Variants in EYS observed in about 807,000 individuals in gnomAD.
EYS encodes the protein EGF-like photoreceptor maintenance factor, also known as protein eyes shut homolog.
A neutral mutation model predicts 282.1 loss-of-function variants in EYS; 250 were observed. The observed-to-expected ratio is 0.89, with a 90% CI of 0.80 to 0.98. The LOEUF is 0.98. Among genes scored for constraint, EYS ranks in the 50% least tolerant of loss-of-function variants. The pLI, the probability that EYS is intolerant of heterozygous loss-of-function variation, is 0.00. For synonymous variants in EYS, 1,355 were observed against 1,282.9 expected, an observed-to-expected ratio of 1.06 and a Z score of -1.20; for missense variants, 4,016 against 3,709.0, an observed-to-expected ratio of 1.08 and a Z score of -2.15.
chr6:64,074,633 G>A (rs952408207), intron 32 of EYS, among the ~76,000 whole-genome samples: 2 of 151,428 alleles, frequency 1.3e-5, no homozygotes, highest in African/African-American at 2.4e-5. Flanking sequence ...ATTGGTTATC[G>A]GTTTGAATTA....
chr6:64,206,625 A>G (rs1441048837), intron 31 of EYS, among the ~76,000 whole-genome samples: 1 of 152,192 alleles, frequency 6.6e-6, no homozygotes, highest in Non-Finnish European at 1.5e-5. Context: ...TGGATTGATC[A>G]TGATAGCCAT....
chr6:63,864,111 G>C, intron 36 of EYS, 75 bp downstream of exon 36: 1 of 1,308,386 alleles, frequency 7.6e-7, no homozygotes, highest in Non-Finnish European at 1.0e-6. Context: ...TGCTATCCTT[G>C]ATTCATCTGA....
At position 65,495,627 on chromosome 6, in the gene EYS, T is replaced by G. The variant is rs1168688591; in HGVS notation, c.-197-20A>C. ...ATATTCCTTTAAACAGAAAAAAACA[T>G]ATATTGTTAGTGAAGTTTTCCCTAA... On this transcript the variant is annotated intron_variant, in intron 3 of 42. Coordinates refer to ENST00000503581, the MANE Select transcript of EYS (RefSeq NM_001142800.2). 1.7e-6 allele frequency: 1 copy of G among 598,306 alleles called. No homozygotes were observed. The highest frequency in any genetic ancestry group is 2.9e-6 in the Non-Finnish European group (1 of 340,446). 37.1% of individuals were successfully genotyped at this position (598,306 alleles called of 1,614,324 possible).
intron 22 of EYS, among the ~76,000 whole-genome samples, chr6:64,678,830 C>A (rs1465601120): frequency 6.6e-6 from 1 of 151,786 alleles, no homozygotes; most frequent in Non-Finnish European, 1.5e-5. Context: ...ACTAAAGACA[C>A]AAAACAATTA....
At chr6:63,919,995 A>G (rs1764525930) in intron 35 of EYS, among the ~76,000 whole-genome samples, 1 of 152,214 alleles carries the variant, frequency 6.6e-6, no homozygotes, top group Non-Finnish European at 1.5e-5. Context: ...CTGGCAAACA[A>G]TAACTTGTAT....
At chr6:65,143,534 G>A (rs1040917244) in intron 12 of EYS, among the ~76,000 whole-genome samples, 2 of 151,924 alleles carry the variant, frequency 1.3e-5, no homozygotes, top group Admixed American at 6.6e-5. Flanking sequence ...ACACACTGTT[G>A]GGATTTGTAT....
chr6:64,274,481 G>GTTT lies in EYS; in HGVS notation c.6191+32486_6191+32488dup, dbSNP rs10640761. Reference sequence around the variant, plus strand: ...CAGGCGCGAGCCACCACGCCTGGCCGTTTTTTTTTTTTTTTTTTTTTTACA... The same window carrying GTTT: ...CAGGCGCGAGCCACCACGCCTGGCCGTTTTTTTTTTTTTTTTTTTTTTTTTACA... On this transcript the variant is annotated intron_variant, in intron 30 of 42. Coordinates refer to ENST00000503581, the MANE Select transcript of EYS (RefSeq NM_001142800.2). 4.5e-3 allele frequency among the ~76,000 whole-genome samples: 413 copies of GTTT among 92,212 alleles called. 35 individuals carry two copies. Among genetic ancestry groups the GTTT allele is most frequent in the Middle Eastern group, 0.011 (1 of 94 alleles). The allele number at this position is 92,212 out of a possible 152,430, so 60.5% of individuals were successfully genotyped here.
chr6:63,902,916 G>A (rs1423112258), intron 35 of EYS, among the ~76,000 whole-genome samples: 1 of 152,152 alleles, frequency 6.6e-6, no homozygotes, highest in African/African-American at 2.4e-5. Context: ...GTATACCAGG[G>A]TAATTGGCTA....
chr6:64,860,679 G>T (rs565723865), intron 19 of EYS, among the ~76,000 whole-genome samples: 1 of 152,330 alleles, frequency 6.6e-6, no homozygotes, highest in South Asian at 2.1e-4. Context: ...CTGCAACATG[G>T]TGAGCAAGGG....
intron 36 of EYS, among the ~76,000 whole-genome samples, chr6:63,858,065 C>T (rs753621838): frequency 6.6e-6 from 1 of 151,924 alleles, no homozygotes; most frequent in Non-Finnish European, 1.5e-5. Flanking sequence ...GGGAAGAGGC[C>T]GATGCATAAG....
At chr6:65,580,553 A>C (rs1764831808) in intron 2 of EYS, among the ~76,000 whole-genome samples, 1 of 152,106 alleles carries the variant, frequency 6.6e-6, no homozygotes, top group African/African-American at 2.4e-5. Flanking sequence ...AATCAGTCAT[A>C]GATAAAATAG....
intron 29 of EYS, among the ~76,000 whole-genome samples, 191 bp from the exon 30 acceptor site, chr6:64,307,273 T>C (rs1313001038): frequency 6.6e-6 from 1 of 152,112 alleles, no homozygotes. Context: ...GATTTTTCCA[T>C]ATCTTGGCTA....
At chr6:65,586,449 T>C (rs1295669182) in intron 2 of EYS, among the ~76,000 whole-genome samples, 1 of 152,090 alleles carries the variant, frequency 6.6e-6, no homozygotes, top group Non-Finnish European at 1.5e-5. Context: ...TCTTAAGGAA[T>C]GTAGCCATTG....
chr6:64,838,555 G>A (rs994857035), intron 19 of EYS, among the ~76,000 whole-genome samples: 1 of 151,330 alleles, frequency 6.6e-6, no homozygotes, highest in African/African-American at 2.4e-5. Flanking sequence ...TGTTTTGTTA[G>A]ACTAAATGAT....
At chr6:65,235,196 G>A (rs1375925091) in intron 12 of EYS, among the ~76,000 whole-genome samples, 1 of 152,162 alleles carries the variant, frequency 6.6e-6, no homozygotes, top group Non-Finnish European at 1.5e-5. Flanking sequence ...TATTACAGAG[G>A]ATGTCAAGAT....
intron 31 of EYS, among the ~76,000 whole-genome samples, chr6:64,133,188 CTT>C (rs199571863): frequency 0.019 from 2,930 of 151,958 alleles, 82 homozygotes; most frequent in African/African-American, 0.066. Flanking sequence ...CTCATATTAA[CTT>C]ATCCTTACTC....
At chr6:64,676,891 T>C (rs1265482058) in intron 22 of EYS, among the ~76,000 whole-genome samples, 1 of 152,136 alleles carries the variant, frequency 6.6e-6, no homozygotes, top group East Asian at 1.9e-4. Flanking sequence ...CACCTCTTAA[T>C]ACCGTCACCT....
chr6:63,874,957 CTT>C (rs758111404), intron 35 of EYS, among the ~76,000 whole-genome samples: 14 of 152,250 alleles, frequency 9.2e-5, no homozygotes, highest in African/African-American at 2.9e-4. Context: ...ATTGAATACT[CTT>C]TATTTCTTTC....
chr6:64,912,686 G>A lies in EYS; in HGVS notation c.2439C>T (p.Cys813=), dbSNP rs367546131. The A allele has an allele frequency of 6.1e-5, 93 of 1,522,754 alleles. No individual in the cohort carries two copies. The highest frequency in any genetic ancestry group is 5.4e-4 in the African/African-American group (39 of 72,248). 94.3% of individuals were successfully genotyped at this position (1,522,754 alleles called of 1,614,324 possible). A position where few individuals can be genotyped will look rare whatever the true frequency, so the allele number is the denominator to read the frequency against. The change falls in exon 16 of 43, where the codon TGC becomes TGT. Residue 813 remains cysteine (C), a synonymous_variant. Coordinates refer to ENST00000503581, the MANE Select transcript of EYS (RefSeq NM_001142800.2). ...CTCCATTCATGCATGGATCAGAGTC[G>A]CATTCATTTATTTCTTCACTACAGT... The part of the protein sequence containing the change: ...GQNCSEEINE[C]DSDPCMNGGL...
Sources: gnomAD v4.1 joint callset for allele counts (sites outside exome capture counted in the v4.1 genomes callset) on GRCh38, gnomAD v4.1.1 for gene constraint, MANE v1.5 for transcripts, NCBI Gene and HGNC (gene_info 2026-07-23, HGNC 2026-07-21) for gene names.